Variants in STXBP5L observed in about 807,000 individuals in gnomAD.
STXBP5L encodes syntaxin-binding protein 5-like.
STXBP5L carries 65 observed loss-of-function variants against 144.5 expected under a neutral mutation model. The observed-to-expected ratio is 0.45, with a 90% confidence interval of 0.37 to 0.55. The LOEUF is 0.55. Among genes scored for constraint, STXBP5L ranks in the 20% least tolerant of loss-of-function variants. STXBP5L has a pLI of 0.00. For synonymous variants in STXBP5L, 505 were observed against 469.6 expected (o/e 1.08, Z -0.97); for missense variants, 1,298 against 1,405.5 (o/e 0.92, Z 1.22).
intron 5 of STXBP5L, among the ~76,000 whole-genome samples, chr3:121,053,926 CA>C: frequency 6.6e-6 from 1 of 152,124 alleles, no homozygotes; most frequent in South Asian, 2.1e-4. Flanking sequence ...AAAAAGTGGG[CA>C]AAGGATATGA....
At chr3:121,082,833 A>T (rs532246459) in intron 5 of STXBP5L, among the ~76,000 whole-genome samples, 34 of 152,352 alleles carry the variant, frequency 2.2e-4, no homozygotes, top group African/African-American at 7.7e-4. Flanking sequence ...AGCTAGCCAT[A>T]AATTTCTGGA....
intron 19 of STXBP5L, among the ~76,000 whole-genome samples, chr3:121,282,001 A>G (rs1176508561): frequency 6.6e-6 from 1 of 151,060 alleles, no homozygotes; most frequent in Non-Finnish European, 1.5e-5. Context: ...TAAGATAAAA[A>G]TAAATATTTA....
intron 9 of STXBP5L, among the ~76,000 whole-genome samples, chr3:121,197,126 G>T (rs981044195): frequency 6.6e-6 from 1 of 151,662 alleles, no homozygotes; most frequent in African/African-American, 2.4e-5. Flanking sequence ...AGTATTTTTC[G>T]TTTCTTTCGT....
At chr3:121,043,788 T>G (rs1947321715) in intron 4 of STXBP5L, among the ~76,000 whole-genome samples, 1 of 152,214 alleles carries the variant, frequency 6.6e-6, no homozygotes, top group African/African-American at 2.4e-5. Context: ...TATTATTGAA[T>G]ATATGCTACT....
At chr3:120,959,722 A>T (rs1345549198) in intron 3 of STXBP5L, among the ~76,000 whole-genome samples, 3 of 152,344 alleles carry the variant, frequency 2.0e-5, no homozygotes, top group South Asian at 2.1e-4. Flanking sequence ...CTGAAACTGG[A>T]TCCCTTCCTT....
intron 5 of STXBP5L, among the ~76,000 whole-genome samples, chr3:121,094,624 G>T (rs538783272): frequency 6.6e-6 from 1 of 151,964 alleles, no homozygotes; most frequent in African/African-American, 2.4e-5. Flanking sequence ...CCATTTGCTT[G>T]GTAGATCTTC....
chr3:121,371,029 G>T (rs536228342), intron 20 of STXBP5L, among the ~76,000 whole-genome samples: 38 of 152,294 alleles, frequency 2.5e-4, no homozygotes, highest in African/African-American at 9.1e-4. Context: ...TCTCAGCCCA[G>T]TTAAGAACTC....
chr3:120,961,977 G>T (rs1235675151), intron 3 of STXBP5L, among the ~76,000 whole-genome samples: 1 of 152,232 alleles, frequency 6.6e-6, no homozygotes, highest in Non-Finnish European at 1.5e-5. Context: ...CAACTGGCAT[G>T]AGATGGTATC....
chr3:121,317,755 A>G (rs994018030), intron 19 of STXBP5L, among the ~76,000 whole-genome samples: 5 of 152,150 alleles, frequency 3.3e-5, no homozygotes, highest in African/African-American at 9.7e-5. Context: ...CTATTGTTGC[A>G]TTTGTCAGAA....
At chr3:120,926,071 A>G (rs1422996202) in intron 2 of STXBP5L, among the ~76,000 whole-genome samples, 1 of 152,186 alleles carries the variant, frequency 6.6e-6, no homozygotes, top group Non-Finnish European at 1.5e-5. Context: ...TTTAGGTTTC[A>G]TAGTAGAATT....
intron 6 of STXBP5L, among the ~76,000 whole-genome samples, chr3:121,117,695 T>C (rs1054048314): frequency 9.9e-5 from 15 of 151,854 alleles, no homozygotes; most frequent in African/African-American, 3.4e-4. Context: ...TTTTAAGTCC[T>C]TATTGAAATA....
intron 20 of STXBP5L, among the ~76,000 whole-genome samples, chr3:121,329,593 G>A (rs943183679): frequency 5.3e-5 from 8 of 152,198 alleles, no homozygotes; most frequent in African/African-American, 1.9e-4. Context: ...GGGACGGGTG[G>A]CCCATGCCTG....
chr3:121,038,779 G>T (rs1946938797), intron 3 of STXBP5L, among the ~76,000 whole-genome samples: 3 of 151,638 alleles, frequency 2.0e-5, no homozygotes, highest in East Asian at 1.9e-4. Context: ...CTGTAATTAG[G>T]TGTATAATTT....
chr3:121,170,101 T>G (rs1482702658), intron 9 of STXBP5L, among the ~76,000 whole-genome samples: 1 of 152,114 alleles, frequency 6.6e-6, no homozygotes, highest in African/African-American at 2.4e-5. Flanking sequence ...TACCAGTCAG[T>G]AAATAATGAA....
intron 5 of STXBP5L, among the ~76,000 whole-genome samples, chr3:121,066,720 A>G (rs1425706999): frequency 6.6e-6 from 1 of 152,014 alleles, no homozygotes; most frequent in Non-Finnish European, 1.5e-5. Context: ...CTTCATAGTT[A>G]TGTCGACTTT....
intron 9 of STXBP5L, among the ~76,000 whole-genome samples, chr3:121,201,532 G>A (rs773368874): frequency 7.2e-5 from 11 of 152,098 alleles, no homozygotes; most frequent in Non-Finnish European, 1.5e-4. Flanking sequence ...ATATTGTTAT[G>A]TGTGAATTTG....
intron 5 of STXBP5L, among the ~76,000 whole-genome samples, chr3:121,065,876 A>G (rs915487994): frequency 9.2e-5 from 14 of 152,170 alleles, no homozygotes; most frequent in Non-Finnish European, 1.9e-4. Flanking sequence ...TATCCCTTGC[A>G]TGTTGTTGGA....
At chr3:121,000,174 A>G (rs1943657963) in intron 3 of STXBP5L, among the ~76,000 whole-genome samples, 2 of 152,006 alleles carry the variant, frequency 1.3e-5, no homozygotes, top group Admixed American at 1.3e-4. Context: ...GGTTGGGGAA[A>G]TTTTCATGAA....
intron 5 of STXBP5L, among the ~76,000 whole-genome samples, chr3:121,113,179 C>T (rs776903932): frequency 3.3e-5 from 5 of 152,124 alleles, no homozygotes; most frequent in Admixed American, 6.5e-5. Context: ...TTCTTCTTAA[C>T]CCTGGAAGTG....
Sources: allele counts gnomAD v4.1 joint callset (sites outside exome capture counted in the v4.1 genomes callset), GRCh38; gene constraint gnomAD v4.1.1; transcripts MANE v1.5; gene names NCBI Gene and HGNC (gene_info 2026-07-23, HGNC 2026-07-21).